The following CAPN6 variants were observed in gnomAD, a reference collection of about 807,000 sequenced individuals.
CAPN6 encodes calpain 6.
Under a neutral mutation model 46.0 loss-of-function variants are expected in CAPN6, and 16 were observed. The ratio of observed to expected loss-of-function variants is 0.35; its 90% CI spans 0.24 to 0.53. The LOEUF (loss-of-function observed/expected upper bound fraction) is 0.53, where lower values mean the gene tolerates loss of function less well. Among genes scored for constraint, CAPN6 ranks in the 20% least tolerant of loss-of-function variants. The pLI is 0.94. For missense variants in CAPN6, 461 were observed against 498.0 expected (o/e 0.93, Z 0.71); for synonymous variants, 206 against 172.8 (o/e 1.19, Z -1.51).
chrX:111,265,069 C>A (rs2094990778), intron 1 of CAPN6, among the ~76,000 whole-genome samples: 1 of 111,666 alleles, frequency 9.0e-6, no homozygotes, highest in South Asian at 3.7e-4. Flanking sequence ...ACAAAAAAAA[C>A]CTGACTAAGC....
chrX:111,252,719 T>C (rs1024512917), intron 4 of CAPN6, among the ~76,000 whole-genome samples: 1 of 111,619 alleles, frequency 9.0e-6, no homozygotes, highest in Admixed American at 9.5e-5. Flanking sequence ...CGGGGAGATA[T>C]GAGATAAAGA....
At chrX:111,259,042 T>C (rs2094985914) in intron 2 of CAPN6, among the ~76,000 whole-genome samples, 1 of 111,514 alleles carries the variant, frequency 9.0e-6, no homozygotes, top group Non-Finnish European at 1.9e-5. Context: ...GGGGGTAGGG[T>C]GGAGGGATTA....
intron 5 of CAPN6, 126 bp from the exon 6 acceptor site, chrX:111,251,868 C>T: frequency 1.9e-6 from 1 of 529,310 alleles, no homozygotes; most frequent in South Asian, 3.8e-5. Flanking sequence ...AAATTTCATC[C>T]TGACACCCAA....
chrX:111,258,928 A>G (rs1210370752), intron 2 of CAPN6, among the ~76,000 whole-genome samples: 3 of 112,586 alleles, frequency 2.7e-5, no homozygotes, highest in Admixed American at 9.4e-5. Context: ...ATGCTAAGAA[A>G]AAGAAGCCAG....
intron 2 of CAPN6, among the ~76,000 whole-genome samples, 162 bp from the exon 3 acceptor site, chrX:111,254,565 T>C (rs2094982317): frequency 9.0e-6 from 1 of 110,986 alleles, no homozygotes; most frequent in African/African-American, 3.3e-5. Flanking sequence ...GAGGGGATTA[T>C]AAGGAAAACC....
chrX:111,250,787 T>G, intron 8 of CAPN6, 130 bp downstream of exon 8: 1 of 611,644 alleles, frequency 1.6e-6, no homozygotes, highest in East Asian at 3.3e-5. Context: ...GGATCCTGGT[T>G]GTTGAATATT....
rs1279514379 is a variant in CAPN6, at chrX:111,248,561, A to T, written c.1484+8T>A. 6 of 1,198,839 alleles carry T rather than the reference A, an allele frequency of 5.0e-6. No individual in the cohort carries two copies. The African/African-American group carries it at 1.1e-4, about 21-fold the overall frequency. Reference sequence around the variant, plus strand: ...CAGGGGTTTGAGGGCTTGCGAAGGAAACTGAACCTGAGCTGGACAGGCACT... The same window carrying T: ...CAGGGGTTTGAGGGCTTGCGAAGGATACTGAACCTGAGCTGGACAGGCACT... On this transcript the variant is annotated splice_region_variant and intron_variant, in intron 10 of 12. Transcript: ENST00000324068.
In CAPN6 at chrX:111,247,935, C is replaced by T. The variant is rs746917930; in HGVS notation, c.1542G>A (p.Pro514=). 9.9e-5 allele frequency: 119 copies of T among 1,208,118 alleles called. No homozygotes were observed. In the South Asian group the frequency reaches 1.6e-3, roughly 16 times the overall value. The part of the protein sequence containing the change: ...MSCWNLARGY[P]KVVTQITVHS... ...GAACAGTGATCTGAGTAACTACTTT[C>T]GGGTAGCCACGAGCCAGGTTCCAGC... The change falls in exon 11 of 13, where the codon CCG becomes CCA. Residue 514 remains proline (P), a synonymous_variant. Transcript: ENST00000324068.
At chrX:111,250,771 C>A (rs2094978584) in intron 8 of CAPN6, 146 bp downstream of exon 8, 1 of 562,158 alleles carries the variant, frequency 1.8e-6, no homozygotes, top group Non-Finnish European at 2.9e-6. Flanking sequence ...CTGAGACAAT[C>A]CGTAGGGATC....
At chrX:111,251,392 T>C in intron 6 of CAPN6, 106 bp from the exon 7 acceptor site, 1 of 953,430 alleles carries the variant, frequency 1.0e-6, no homozygotes, top group Non-Finnish European at 1.5e-6. Flanking sequence ...GGATCAGTCC[T>C]GCTTTATTTC....
chrX:111,268,962 C>T (rs1372807797), intron 1 of CAPN6, among the ~76,000 whole-genome samples: 1 of 111,782 alleles, frequency 8.9e-6, no homozygotes, highest in African/African-American at 3.3e-5. Flanking sequence ...TCAAGCAAGA[C>T]GTTGCTTTTA....
intron 2 of CAPN6, among the ~76,000 whole-genome samples, chrX:111,256,478 CT>C (rs2094983869): frequency 8.9e-6 from 1 of 111,917 alleles, no homozygotes; most frequent in South Asian, 3.7e-4. Context: ...AAAGTGAACA[CT>C]GATATATGAA....
chrX:111,263,741 A>C, intron 2 of CAPN6, 31 bp downstream of exon 2: 1 of 1,168,290 alleles, frequency 8.6e-7, no homozygotes. Flanking sequence ...AAGGAGGTCA[A>C]GGAGACAGAA....
chrX:111,251,180 A>G lies in CAPN6; in HGVS notation c.971+29T>C, dbSNP rs754995440. 6.6e-6 allele frequency: 8 copies of G among 1,204,628 alleles called. No individual in the cohort carries two copies. The Admixed American group carries it at 1.1e-4, about 17-fold the overall frequency. ...ACTGTAGTTCCATGTAGAAGCCCCA[A>G]TTCCCTTAGTGCAGAAACCCCTCCT... On this transcript the variant is annotated intron_variant, in intron 7 of 12. Transcript: ENST00000324068.
intron 8 of CAPN6, among the ~76,000 whole-genome samples, 171 bp from the exon 9 acceptor site, chrX:111,249,228 G>A (rs887544165): frequency 8.9e-6 from 1 of 111,996 alleles, no homozygotes; most frequent in Non-Finnish European, 1.9e-5. Context: ...CTTGCTAAGC[G>A]TAGACCATTA....
intron 11 of CAPN6, 82 bp downstream of exon 11, chrX:111,247,789 A>T: frequency 9.1e-7 from 1 of 1,096,583 alleles, no homozygotes; most frequent in Non-Finnish European, 1.2e-6. Context: ...GCTGGAGAAA[A>T]TCATTTGTGA....
At position 111,248,616 on chromosome X, in the gene CAPN6, G is replaced by T; in HGVS notation, c.1437C>A (p.Thr479=). Residue 479 remains threonine (T), a synonymous_variant, in exon 10 of 13, where the codon ACC becomes ACA. Coordinates refer to ENST00000324068, the MANE Select transcript of CAPN6 (RefSeq NM_014289.4). ...AGAAGATTCTCAGGAGAAACTCGCT[G>T]GTGCGACCATGCTGGAACATGGTTG... ...LVPTMFQHGR[T]SEFLLRIFSE... 1 of 1,209,598 alleles carries T rather than the reference G, an allele frequency of 8.3e-7. No homozygotes were observed. Among genetic ancestry groups the T allele is most frequent in the East Asian group, 3.0e-5 (1 of 33,813 alleles).
At chrX:111,247,271 C>G in intron 12 of CAPN6, 97 bp downstream of exon 12, 1 of 785,197 alleles carries the variant, frequency 1.3e-6, no homozygotes, top group Non-Finnish European at 1.8e-6. Context: ...TACGATAATT[C>G]TTGCTCTGCA....
Position 111,270,351 on chromosome X carries a change from C to A in CAPN6, c.-16+20G>T, listed in dbSNP as rs1203521699. 3 of 308,430 alleles carry A rather than the reference C, an allele frequency of 9.7e-6. No individual in the cohort carries two copies. The highest frequency in any genetic ancestry group is 2.8e-5 in the African/African-American group (1 of 35,877). The allele number at this position is 308,430 out of a possible 1,213,427, so 25.4% of individuals were successfully genotyped here. On this transcript the variant is annotated intron_variant, in intron 1 of 12. Transcript: ENST00000324068. ...GAAATAAAACTCCAGGGTAAGTTTG[C>A]GAATTCCCTCTCTACTCACCTGAGT...
Sources: allele counts gnomAD v4.1 joint callset (sites outside exome capture counted in the v4.1 genomes callset), GRCh38; gene constraint gnomAD v4.1.1; transcripts MANE v1.5; gene names NCBI Gene and HGNC (gene_info 2026-07-23, HGNC 2026-07-21).